CKAP5: variants seen among roughly 807,000 people sequenced by gnomAD.
The protein encoded by CKAP5 is cytoskeleton-associated protein 5.
A neutral mutation model predicts 232.8 loss-of-function variants in CKAP5; 27 were observed. That is an observed-to-expected ratio of 0.12 (90% CI 0.09 to 0.16). The LOEUF is 0.16. Ranked by LOEUF, CKAP5 falls within the 10% of genes least tolerant of loss-of-function variation. CKAP5 has a pLI of 1.00. For missense variants in CKAP5, 1,838 were observed against 2,424.7 expected (o/e 0.76, Z 5.08); for synonymous variants, 785 against 841.1 (o/e 0.93, Z 1.16).
At chr11:46,806,636 A>C (rs1478369314) in intron 8 of CKAP5, among the ~76,000 whole-genome samples, 1 of 152,240 alleles carries the variant, frequency 6.6e-6, no homozygotes, top group Non-Finnish European at 1.5e-5. Flanking sequence ...CACAAATCAT[A>C]TCTCTGCCTC....
chr11:46,842,439 T>C (rs1214887793), intron 1 of CKAP5, among the ~76,000 whole-genome samples: 2 of 152,220 alleles, frequency 1.3e-5, no homozygotes, highest in Admixed American at 6.5e-5. Flanking sequence ...ATTTACCCTC[T>C]GAATATGCCC....
rs781661696 is a variant in CKAP5 at position 46,770,992 on chromosome 11, GAAAT to G, written c.2992-14_2992-11del. On this transcript the variant is annotated splice_polypyrimidine_tract_variant and intron_variant, in intron 24 of 43. Transcript: ENST00000529230. ...CCAGCCAGCCCAGAAGCTGCCAAAA[GAAAT>G]AAAGACTAGTTACACACTTCAAATG... 3 of 1,608,458 alleles carry G rather than the reference GAAAT, an allele frequency of 1.9e-6. No individual in the cohort carries two copies. The Admixed American group carries it at 5.1e-5, about 27-fold the overall frequency.
chr11:46,786,012 T>A (rs1477932891), intron 16 of CKAP5, among the ~76,000 whole-genome samples: 4 of 151,894 alleles, frequency 2.6e-5, no homozygotes, highest in East Asian at 1.9e-4. Flanking sequence ...AAAAAAAAAA[T>A]TCCCAAACCA....
intron 42 of CKAP5, among the ~76,000 whole-genome samples, chr11:46,745,979 TGTAAA>T (rs1191081849): frequency 6.6e-6 from 1 of 151,894 alleles, no homozygotes; most frequent in Non-Finnish European, 1.5e-5. Flanking sequence ...TAAAAACACT[TGTAAA>T]GTCTTGGAAA....
intron 34 of CKAP5, 33 bp downstream of exon 34, chr11:46,759,236 C>A: frequency 6.3e-7 from 1 of 1,594,144 alleles, no homozygotes. Flanking sequence ...TCATCATGAA[C>A]TGCTCATATT....
Position 46,795,656 on chromosome 11 carries a change from T to C in CKAP5, c.1588A>G (p.Lys530Glu), listed in dbSNP as rs781253705. 6.2e-7 allele frequency: 1 copy of C among 1,614,152 alleles called. No homozygotes were observed. The highest frequency in any genetic ancestry group is 8.5e-7 in the Non-Finnish European group (1 of 1,180,000). The stretch of plus-strand genomic sequence containing the variant: ...GGTGCAGAAATGTCCTTTGTGTCCT[T>C]ATCTCCTGCAGCCCCTGAAGCAGCA... ...RTAASGAAGD[K>E]DTKDISAPKP... is the part of the protein sequence containing the mutation. Residue 530 changes from lysine (K) to glutamate (E), a missense_variant, in exon 13 of 44, where the codon AAG becomes GAG. Physicochemically the swap from Lys to Glu is moderately conservative, Grantham distance 56. This residue lies in a region of CKAP5 where 767 missense variants were observed against 954.6 expected (regional missense o/e 0.80). Transcript: ENST00000529230.
intron 27 of CKAP5, among the ~76,000 whole-genome samples, chr11:46,767,002 T>G (rs541867796): frequency 1.3e-5 from 2 of 151,800 alleles, no homozygotes; most frequent in Non-Finnish European, 2.9e-5. Flanking sequence ...AAGTGTTTAT[T>G]ATGCCAGAGC....
chr11:46,821,138 C>T, intron 2 of CKAP5, 37 bp downstream of exon 2: 2 of 1,523,904 alleles, frequency 1.3e-6, no homozygotes, highest in South Asian at 1.1e-5. Flanking sequence ...CAAAACAAGC[C>T]AACGACACTG....
intron 11 of CKAP5, 79 bp from the exon 12 acceptor site, chr11:46,797,019 G>C (rs895329998): frequency 2.1e-5 from 32 of 1,489,756 alleles, no homozygotes; most frequent in Non-Finnish European, 2.6e-5. Flanking sequence ...ACTGATGGTT[G>C]CTAGATAAAG....
rs776035822 is a variant in CKAP5, at chr11:46,778,106, G to A, written c.2748+33C>T. 5.7e-5 allele frequency: 90 copies of A among 1,571,272 alleles called. 1 individual carries two copies. In the South Asian group the frequency reaches 1.0e-3, roughly 18 times the overall value. On this transcript the variant is annotated intron_variant, in intron 22 of 43. Transcript: ENST00000529230. The stretch of plus-strand genomic sequence containing the variant: ...GTAACTCCTGCAGCAGTGGGGAGGG[G>A]AGATAAAAAGAACAGCCGTATGCTC...
Position 46,801,291 on chromosome 11 carries a change from T to A in CKAP5, c.992A>T (p.Asp331Val). The stretch of plus-strand genomic sequence containing the variant: ...CAAAGCCACCAACATGACATTGGTG[T>A]CCTTTCCAACAACCTACAAAGGGGG... ...VKALKKVVGK[D>V]TNVMLVALAA... is the part of the protein sequence containing the mutation. The change falls in exon 9 of 44, where the codon GAC becomes GTC. Residue 331 changes from aspartate to valine, a missense_variant. Around this residue, in one of 6 missense-constraint regions of CKAP5, gnomAD observed 97 missense variants for 167.7 expected, o/e 0.58. Coordinates refer to ENST00000529230, the MANE Select transcript of CKAP5 (RefSeq NM_001008938.4). 6.2e-7 allele frequency: 1 copy of A among 1,612,808 alleles called. No homozygotes were observed. The highest frequency in any genetic ancestry group is 8.5e-7 in the Non-Finnish European group (1 of 1,178,890).
chr11:46,767,911 G>A (rs186697575), intron 26 of CKAP5, among the ~76,000 whole-genome samples: 1 of 152,048 alleles, frequency 6.6e-6, no homozygotes, highest in East Asian at 1.9e-4. Context: ...TCCCACCTCA[G>A]CCTCCCTAGT....
chr11:46,830,970 C>A (rs1939778874), intron 1 of CKAP5, among the ~76,000 whole-genome samples: 1 of 152,024 alleles, frequency 6.6e-6, no homozygotes, highest in East Asian at 1.9e-4. Context: ...GAGGCTGAGG[C>A]AGGAGAATGG....
At chr11:46,781,154 C>A (rs2134624224) in intron 18 of CKAP5, among the ~76,000 whole-genome samples, 1 of 152,264 alleles carries the variant, frequency 6.6e-6, no homozygotes, top group Admixed American at 6.5e-5. Context: ...CCTGTTCCTC[C>A]CAGAGTCTTC....
intron 8 of CKAP5, among the ~76,000 whole-genome samples, chr11:46,806,360 C>CA (rs1184063454): frequency 6.6e-6 from 1 of 152,186 alleles, no homozygotes; most frequent in Non-Finnish European, 1.5e-5. Context: ...TTTTCTTTGA[C>CA]ACATCGAGAA....
intron 38 of CKAP5, 121 bp from the exon 39 acceptor site, chr11:46,751,655 C>A: frequency 1.2e-6 from 1 of 801,214 alleles, no homozygotes. Flanking sequence ...AAATGTGGCA[C>A]ATCATATCTT....
intron 24 of CKAP5, among the ~76,000 whole-genome samples, chr11:46,771,819 A>G (rs150535887): frequency 9.8e-5 from 15 of 152,332 alleles, no homozygotes; most frequent in African/African-American, 3.6e-4. Flanking sequence ...TGGCTCATAT[A>G]GTAACTGCAC....
rs191055994 is a variant in CKAP5 at position 46,761,487 on chromosome 11, T to C, written c.4221+513A>G. On this transcript the variant is annotated intron_variant, in intron 32 of 43. Coordinates refer to ENST00000529230, the MANE Select transcript of CKAP5 (RefSeq NM_001008938.4). ...AATATAAGTAAACATATTTAAGCCCTGTGTAAATACATGGTGACACTATGA... is the reference window on the plus strand; with the variant it reads ...AATATAAGTAAACATATTTAAGCCCCGTGTAAATACATGGTGACACTATGA... Among the ~76,000 whole-genome samples, 419 of 152,248 alleles carry C rather than the reference T, an allele frequency of 2.8e-3. 2 individuals are homozygous for C. Among genetic ancestry groups the C allele is most frequent in the African/African-American group, 9.6e-3 (397 of 41,528 alleles).
At chr11:46,797,142 C>T (rs1938895873) in intron 11 of CKAP5, among the ~76,000 whole-genome samples, 1 of 152,072 alleles carries the variant, frequency 6.6e-6, no homozygotes, top group South Asian at 2.1e-4. Context: ...GCCTGTAATC[C>T]CAGCACTTTG....
Sources: gnomAD v4.1 joint callset for allele counts (sites outside exome capture counted in the v4.1 genomes callset) on GRCh38, gnomAD v4.1.1 for gene constraint, gnomAD v4.1.1 regional missense constraint, MANE v1.5 for transcripts, NCBI Gene and HGNC (gene_info 2026-07-23, HGNC 2026-07-21) for gene names.